The following ABCC1 variants were observed in gnomAD, a reference collection of about 807,000 sequenced individuals.
ABCC1 encodes the protein multidrug resistance-associated protein 1.
ABCC1 carries 83 observed loss-of-function variants against 172.9 expected under a neutral mutation model. That is an observed-to-expected ratio of 0.48 (90% CI 0.40 to 0.58). The LOEUF (loss-of-function observed/expected upper bound fraction) is 0.58. ABCC1 is among the 20% of genes least tolerant of loss of function. The probability of loss-of-function intolerance (pLI) is 0.00; values close to 1 mark genes in which losing one functional copy is unlikely to be tolerated. For synonymous variants in ABCC1, 937 were observed against 825.2 expected (o/e 1.14, Z -2.32); for missense variants, 1,817 against 2,002.7 (o/e 0.91, Z 1.77).
At chr16:16,056,918 G>A (rs1019901478) in intron 12 of ABCC1, among the ~76,000 whole-genome samples, 3 of 152,142 alleles carry the variant, frequency 2.0e-5, no homozygotes, top group Admixed American at 6.5e-5. Context: ...CGAACGGCAC[G>A]CTTGGTGCCA....
intron 28 of ABCC1, 133 bp downstream of exon 28, chr16:16,134,641 T>C: frequency 1.7e-6 from 2 of 1,163,892 alleles, no homozygotes; most frequent in Non-Finnish European, 2.3e-6. Context: ...TTTTTTTTTT[T>C]TTTTTTTTTT....
At position 16,026,464 on chromosome 16, in the gene ABCC1, C is replaced by CTTTTTT. The variant is rs1491397616; in HGVS notation, c.616-6645_616-6644insTTTTTT. Among the ~76,000 whole-genome samples the CTTTTTT allele has an allele frequency of 3.4e-3, 352 of 102,264 alleles. 44 individuals are homozygous for CTTTTTT. Among genetic ancestry groups the CTTTTTT allele is most frequent in the Non-Finnish European group, 4.4e-3 (233 of 52,782 alleles). 67.1% of individuals were successfully genotyped at this position (102,264 alleles called of 152,430 possible). ...AAAAAAAAAAAAAAAAAGGCTATTT[C>CTTTTTT]CTTTTTTTTTTTTTTTTTTTTTTTG... is the stretch of plus-strand genomic sequence containing the variant. On this transcript the variant is annotated intron_variant, in intron 5 of 30. Transcript: ENST00000399410.
chr16:15,955,367 A>G (rs2045970023), intron 1 of ABCC1, among the ~76,000 whole-genome samples: 1 of 152,102 alleles, frequency 6.6e-6, no homozygotes. Context: ...AAAAAAAAGA[A>G]AACAGCCACC....
chr16:15,999,215 C>T, intron 1 of ABCC1, among the ~76,000 whole-genome samples: 1 of 151,830 alleles, frequency 6.6e-6, no homozygotes, highest in South Asian at 2.1e-4. Flanking sequence ...CCGTGTTAGC[C>T]AGGATGGTCT....
intron 5 of ABCC1, among the ~76,000 whole-genome samples, chr16:16,020,573 TAC>T (rs1387377900): frequency 1.3e-5 from 2 of 152,190 alleles, no homozygotes; most frequent in East Asian, 3.9e-4. Context: ...GTGTAGTTGC[TAC>T]AGAGACTGTA....
At position 16,090,436 on chromosome 16, in the gene ABCC1, A is replaced by G. The variant is rs760139672; in HGVS notation, c.2492A>G (p.Tyr831Cys). 48 of 1,611,226 alleles carry G rather than the reference A, an allele frequency of 3.0e-5. No homozygotes were observed. In the South Asian group the frequency reaches 5.1e-4, roughly 17 times the overall value. Residue 831 changes from tyrosine to cysteine, a missense_variant, in exon 19 of 31, where the codon TAC (tyrosine) becomes TGC (cysteine). This residue lies in a region of ABCC1 where 1,412 missense variants were observed against 1,600.3 expected (regional missense o/e 0.88). Transcript: ENST00000399410. ...ATCTTGGTCACGCACAGCATGAGCT[A>G]CTTGCCGCAGGTGGACGTCATCATC... is the stretch of plus-strand genomic sequence containing the variant. ...TRILVTHSMSYLPQVDVIIVM... is the reference protein window; with the variant it reads ...TRILVTHSMSCLPQVDVIIVM...
chr16:16,027,439 G>A (rs1736195953), intron 5 of ABCC1, among the ~76,000 whole-genome samples: 1 of 152,166 alleles, frequency 6.6e-6, no homozygotes, highest in Non-Finnish European at 1.5e-5. Flanking sequence ...AAAGCATCTG[G>A]TATAGTGGTG....
intron 11 of ABCC1, among the ~76,000 whole-genome samples, chr16:16,053,691 G>A (rs2049522592): frequency 7.2e-6 from 1 of 139,850 alleles, no homozygotes; most frequent in Non-Finnish European, 1.5e-5. Flanking sequence ...GGAGGCTGAA[G>A]CATGAGGATC....
chr16:15,969,695 C>T (rs1349615773), intron 1 of ABCC1, among the ~76,000 whole-genome samples: 2 of 151,356 alleles, frequency 1.3e-5, no homozygotes, highest in Admixed American at 6.6e-5. Context: ...TTTTTTTAAA[C>T]CTCTGTGTAC....
At chr16:16,058,297 G>C (rs527747094) in intron 12 of ABCC1, among the ~76,000 whole-genome samples, 19 of 152,240 alleles carry the variant, frequency 1.2e-4, no homozygotes, top group African/African-American at 4.6e-4. Flanking sequence ...TTTTCTTTCT[G>C]TCTTTTTATT....
intron 5 of ABCC1, among the ~76,000 whole-genome samples, chr16:16,021,633 C>T (rs1255644395): frequency 6.6e-6 from 1 of 152,166 alleles, no homozygotes; most frequent in Non-Finnish European, 1.5e-5. Flanking sequence ...AGGAGAATTG[C>T]TTGTGCCCGG....
At chr16:15,986,968 C>T (rs1451574382) in intron 1 of ABCC1, among the ~76,000 whole-genome samples, 1 of 152,084 alleles carries the variant, frequency 6.6e-6, no homozygotes, top group African/African-American at 2.4e-5. Flanking sequence ...AGTTTGAGAC[C>T]AGCCTGGACA....
At chr16:16,136,672 G>A (rs768472944) in intron 29 of ABCC1, 28 bp downstream of exon 29, 31 of 1,611,520 alleles carry the variant, frequency 1.9e-5, no homozygotes, top group South Asian at 7.7e-5. Context: ...AGGAGACACC[G>A]GGTAAGGTGT....
intron 7 of ABCC1, among the ~76,000 whole-genome samples, chr16:16,042,214 A>G (rs1159670317): frequency 6.7e-6 from 1 of 148,476 alleles, no homozygotes; most frequent in Non-Finnish European, 1.5e-5. Flanking sequence ...CAGTGAACAT[A>G]CCACCAGTCA....
intron 5 of ABCC1, among the ~76,000 whole-genome samples, chr16:16,025,784 ACT>A (rs1234374181): frequency 6.6e-6 from 1 of 151,834 alleles, no homozygotes; most frequent in Admixed American, 6.6e-5. Context: ...AGAACACATC[ACT>A]CTGTTTGGAT....
intron 1 of ABCC1, among the ~76,000 whole-genome samples, chr16:15,967,406 A>G (rs972415503): frequency 1.3e-5 from 2 of 151,878 alleles, no homozygotes; most frequent in Non-Finnish European, 2.9e-5. Context: ...AATTGGACTG[A>G]TATGTGGGGA....
chr16:16,059,801 CCTG>C (rs1227683618), intron 12 of ABCC1, among the ~76,000 whole-genome samples: 2 of 151,752 alleles, frequency 1.3e-5, no homozygotes, highest in Admixed American at 6.6e-5. Context: ...GAGACCCTTT[CCTG>C]CTGCTGCCCC....
intron 1 of ABCC1, among the ~76,000 whole-genome samples, chr16:16,004,523 G>A (rs2047447099): frequency 6.6e-6 from 1 of 152,092 alleles, no homozygotes; most frequent in African/African-American, 2.4e-5. Context: ...CCTTCTCCAC[G>A]ATCAACTTCT....
chr16:16,120,666 A>G (rs1376459156), intron 23 of ABCC1, among the ~76,000 whole-genome samples: 1 of 152,030 alleles, frequency 6.6e-6, no homozygotes, highest in East Asian at 1.9e-4. Flanking sequence ...CTGGGTGATG[A>G]GGAATGGCCT....
Sources: gnomAD v4.1 joint callset for allele counts (sites outside exome capture counted in the v4.1 genomes callset) on GRCh38, gnomAD v4.1.1 for gene constraint, gnomAD v4.1.1 regional missense constraint, MANE v1.5 for transcripts, NCBI Gene and HGNC (gene_info 2026-07-23, HGNC 2026-07-21) for gene names.